The following ICE1 variants were observed in gnomAD, a reference collection of about 807,000 sequenced individuals.
ICE1 encodes the protein interactor of little elongation complex ELL subunit 1.
In ICE1, 64 loss-of-function variants were observed where a neutral mutation model predicts 192.7. That is an observed-to-expected ratio of 0.33 (90% CI 0.27 to 0.41). The LOEUF (loss-of-function observed/expected upper bound fraction) is 0.41, where lower values mean the gene tolerates loss of function less well. ICE1 is among the 10% of genes least tolerant of loss of function. The probability of loss-of-function intolerance (pLI) is 1.00; values close to 1 mark genes in which losing one functional copy is unlikely to be tolerated. For synonymous variants in ICE1, 1,010 were observed against 984.5 expected (o/e 1.03, Z -0.49); for missense variants, 2,708 against 2,696.0 (o/e 1.00, Z -0.10).
chr5:5,436,158 G>A (rs1303474873), intron 1 of ICE1, among the ~76,000 whole-genome samples: 3 of 152,032 alleles, frequency 2.0e-5, no homozygotes, highest in Non-Finnish European at 2.9e-5. Flanking sequence ...TATTTATTGA[G>A]CTCTGTGGCT....
intron 2 of ICE1, 47 bp from the exon 3 acceptor site, chr5:5,437,033 A>G (rs1162541880): frequency 2.5e-6 from 3 of 1,188,102 alleles, no homozygotes; most frequent in Non-Finnish European, 3.7e-6. Flanking sequence ...AACATAGTAT[A>G]TTTTCTAAAT....
At chr5:5,457,245 T>G in intron 11 of ICE1, 87 bp from the exon 12 acceptor site, 1 of 1,297,210 alleles carries the variant, frequency 7.7e-7, no homozygotes, top group African/African-American at 1.5e-5. Context: ...TTTGAACTGT[T>G]GTAATAAGGT....
intron 15 of ICE1, 128 bp from the exon 16 acceptor site, chr5:5,473,430 T>C: frequency 1.3e-6 from 1 of 783,904 alleles, no homozygotes; most frequent in Non-Finnish European, 2.0e-6. Context: ...TTAGTCAAAC[T>C]GTTTTAAAAA....
chr5:5,459,877 A>G (rs1356949764), intron 12 of ICE1, among the ~76,000 whole-genome samples: 1 of 152,070 alleles, frequency 6.6e-6, no homozygotes, highest in East Asian at 1.9e-4. Context: ...GGAGGGAGAA[A>G]GCTTTGTAAG....
At chr5:5,423,051 C>A in intron 1 of ICE1, 52 bp downstream of exon 1, 1 of 1,260,022 alleles carries the variant, frequency 7.9e-7, no homozygotes. Context: ...GCTCGGCCGG[C>A]CGGGAGCGCA....
intron 4 of ICE1, among the ~76,000 whole-genome samples, chr5:5,440,234 TGTG>T (rs1202890240): frequency 6.6e-6 from 1 of 152,250 alleles, no homozygotes; most frequent in East Asian, 1.9e-4. Flanking sequence ...CACACTTTAA[TGTG>T]GTGGTTTATC....
chr5:5,461,303 A>G lies in ICE1; in HGVS notation c.1969A>G (p.Thr657Ala), dbSNP rs750264673. ...TTCTGGGTTAGACTGTGGTAATGAT[A>G]CAGATATTACTACTAAAGTATTCTC... is the stretch of plus-strand genomic sequence containing the variant. The part of the protein sequence containing the change: ...SSSGLDCGND[T>A]DITTKVFSTE... The change falls in exon 13 of 19, where the codon ACA (threonine) becomes GCA (alanine). Residue 657 changes from threonine to alanine, a missense_variant. Physicochemically the swap from Thr to Ala is moderately conservative, Grantham distance 58. This residue lies in a region of ICE1 where 2,366 missense variants were observed against 2,276.6 expected (regional missense o/e 1.04). Transcript: ENST00000296564. The G allele has an allele frequency of 4.3e-6, 7 of 1,613,644 alleles. No individual in the cohort carries two copies. In the African/African-American group the frequency reaches 9.3e-5, roughly 22 times the overall value.
intron 1 of ICE1, among the ~76,000 whole-genome samples, chr5:5,435,146 T>C (rs1737831057): frequency 1.3e-5 from 2 of 152,342 alleles, no homozygotes; most frequent in East Asian, 3.9e-4. Flanking sequence ...ATTTGATAGA[T>C]GGAGTACATC....
chr5:5,476,160 A>G, intron 17 of ICE1, 81 bp downstream of exon 17: 1 of 717,134 alleles, frequency 1.4e-6, no homozygotes, highest in Non-Finnish European at 2.2e-6. Context: ...GTATAATAAA[A>G]TATGCTGACT....
At chr5:5,479,393 G>A (rs1005211067) in intron 17 of ICE1, among the ~76,000 whole-genome samples, 45 of 152,174 alleles carry the variant, frequency 3.0e-4, no homozygotes, top group African/African-American at 1.0e-3. Context: ...CCACTATGAG[G>A]TACCATCTCA....
At chr5:5,447,334 C>A in intron 7 of ICE1, 93 bp from the exon 8 acceptor site, 5 of 780,434 alleles carry the variant, frequency 6.4e-6, no homozygotes, top group South Asian at 4.1e-5. Flanking sequence ...ATGAGAAAAA[C>A]TTGTAATAGA....
chr5:5,479,432 G>T (rs1158656217), intron 17 of ICE1, among the ~76,000 whole-genome samples: 4 of 152,180 alleles, frequency 2.6e-5, no homozygotes, highest in African/African-American at 9.7e-5. Flanking sequence ...TCATTAAAAA[G>T]TCAGGAAACA....
chr5:5,468,291 GA>G (rs1739049858), intron 14 of ICE1, among the ~76,000 whole-genome samples: 1 of 152,188 alleles, frequency 6.6e-6, no homozygotes, highest in Non-Finnish European at 1.5e-5. Flanking sequence ...GAGAAGTTTT[GA>G]AATGATGGTA....
At chr5:5,483,122 C>T (rs1432569228) in intron 17 of ICE1, among the ~76,000 whole-genome samples, 4 of 152,080 alleles carry the variant, frequency 2.6e-5, no homozygotes, top group African/African-American at 7.2e-5. Flanking sequence ...TCCCGAGTAG[C>T]TGGGATTACA....
intron 1 of ICE1, among the ~76,000 whole-genome samples, chr5:5,429,006 G>A (rs138641719): frequency 6.8e-4 from 104 of 152,274 alleles, no homozygotes; most frequent in African/African-American, 2.2e-3. Context: ...TACAGGGAAA[G>A]CATACAGAGT....
rs767303383 is a variant in ICE1, at chr5:5,457,402, C to A, written c.762C>A (p.Gly254=). 5.6e-6 allele frequency: 9 copies of A among 1,613,580 alleles called. No individual in the cohort carries two copies. The highest frequency in any genetic ancestry group is 1.3e-5 in the African/African-American group (1 of 74,860). The change falls in exon 12 of 19, where the codon GGC becomes GGA. Residue 254 remains glycine (G), a synonymous_variant. Coordinates refer to ENST00000296564, the MANE Select transcript of ICE1 (RefSeq NM_015325.3). ...ATGGTACGCTACCTCCAACACAGGG[C>A]AGCCCTCTCAGGACCTCAAATGTGC... is the stretch of plus-strand genomic sequence containing the variant. ...GEDGTLPPTQ[G]SPLRTSNVQT...
At chr5:5,437,014 C>T in intron 2 of ICE1, 66 bp from the exon 3 acceptor site, 1 of 1,049,740 alleles carries the variant, frequency 9.5e-7, no homozygotes, top group Non-Finnish European at 1.4e-6. Context: ...TGGATTGAAA[C>T]ATAATTTTAA....
chr5:5,460,856 C>G lies in ICE1; in HGVS notation c.1522C>G (p.Leu508Val). The G allele has an allele frequency of 6.2e-7, 1 of 1,614,014 alleles. No homozygotes were observed. Among genetic ancestry groups the G allele is most frequent in the East Asian group, 2.2e-5 (1 of 44,880 alleles). Residue 508 changes from leucine to valine, a missense_variant, in exon 13 of 19, where the codon CTA (leucine) becomes GTA (valine). Coordinates refer to ENST00000296564, the MANE Select transcript of ICE1 (RefSeq NM_015325.3). Reference sequence around the variant, plus strand: ...GACCATTCATAAACTCACTCGAGGTCTATGCATTGAGAGATTGTCTGCCAG... The same window carrying G: ...GACCATTCATAAACTCACTCGAGGTGTATGCATTGAGAGATTGTCTGCCAG... ...EKTIHKLTRG[L>V]CIERLSASPA...
rs116292393 is a variant in ICE1, at chr5:5,444,728, T to C, written c.424+402T>C. On this transcript the variant is annotated intron_variant, in intron 7 of 18. Coordinates refer to ENST00000296564, the MANE Select transcript of ICE1 (RefSeq NM_015325.3). ...CAAGAAACATGTATTTAGATAGTTA[T>C]AACACACATACAGAGATTTCGATGA... Among the ~76,000 whole-genome samples the C allele has an allele frequency of 6.1e-3, 929 of 152,326 alleles. 12 individuals are homozygous for C. The highest frequency in any genetic ancestry group is 0.021 in the African/African-American group (890 of 41,566).
Sources: gnomAD v4.1 joint callset for allele counts (sites outside exome capture counted in the v4.1 genomes callset) on GRCh38, gnomAD v4.1.1 for gene constraint, gnomAD v4.1.1 regional missense constraint, MANE v1.5 for transcripts, NCBI Gene and HGNC (gene_info 2026-07-23, HGNC 2026-07-21) for gene names.